The following SORL1 variants were observed in gnomAD, a reference collection of about 807,000 sequenced individuals.
SORL1 encodes sortilin-related receptor.
SORL1 carries 127 observed loss-of-function variants against 273.7 expected under a neutral mutation model. The ratio of observed to expected loss-of-function variants is 0.46; its 90% CI spans 0.40 to 0.54. The LOEUF is 0.54. Among genes scored for constraint, SORL1 ranks in the 20% least tolerant of loss-of-function variants. The pLI, the probability that SORL1 is intolerant of heterozygous loss-of-function variation, is 0.00. For synonymous variants in SORL1, 1,031 were observed against 1,067.4 expected, an observed-to-expected ratio of 0.97 and a Z score of 0.66; for missense variants, 2,494 against 2,846.1, an observed-to-expected ratio of 0.88 and a Z score of 2.81.
chr11:121,600,266 A>G (rs1239639443), intron 32 of SORL1, among the ~76,000 whole-genome samples: 2 of 152,206 alleles, frequency 1.3e-5, no homozygotes, highest in East Asian at 1.9e-4. Context: ...CAAGAGGATC[A>G]CCTAGCCAGT....
chr11:121,480,717 G>C (rs867495453), intron 3 of SORL1, among the ~76,000 whole-genome samples: 13 of 135,366 alleles, frequency 9.6e-5, no homozygotes, highest in African/African-American at 2.5e-4. Context: ...CTCCTCCCCA[G>C]CTCCTCCCCT....
chr11:121,523,546 G>A (rs1186743207), intron 11 of SORL1, among the ~76,000 whole-genome samples: 2 of 152,012 alleles, frequency 1.3e-5, no homozygotes, highest in Admixed American at 6.6e-5. Flanking sequence ...CTAAGACAGG[G>A]CTAGTTCCCT....
At chr11:121,542,771 C>T (rs1353837848) in intron 12 of SORL1, among the ~76,000 whole-genome samples, 1 of 151,266 alleles carries the variant, frequency 6.6e-6, no homozygotes, top group Non-Finnish European at 1.5e-5. Flanking sequence ...AGTGATGATC[C>T]TTGTGTGATT....
At chr11:121,572,998 G>T (rs1341674311) in intron 23 of SORL1, among the ~76,000 whole-genome samples, 1 of 152,094 alleles carries the variant, frequency 6.6e-6, no homozygotes, top group Non-Finnish European at 1.5e-5. Flanking sequence ...TACCTCCTGG[G>T]TCAGCCTTTC....
intron 11 of SORL1, among the ~76,000 whole-genome samples, chr11:121,529,866 C>A (rs1862177394): frequency 6.6e-6 from 1 of 152,004 alleles, no homozygotes; most frequent in Admixed American, 6.5e-5. Flanking sequence ...TTTCATTTCT[C>A]CTATTTATTA....
intron 38 of SORL1, chr11:121,609,268 G>A (rs1313673889): frequency 6.6e-6 from 1 of 152,184 alleles, no homozygotes; most frequent in Non-Finnish European, 1.5e-5. Context: ...TCTAAAATCT[G>A]GAGCCTTTGA....
intron 21 of SORL1, among the ~76,000 whole-genome samples, chr11:121,562,902 G>A (rs1862699840): frequency 6.6e-6 from 1 of 152,162 alleles, no homozygotes. Context: ...GTGTCAGCTA[G>A]GGGTCTTGGA....
chr11:121,587,471 G>A (rs1011125139), intron 27 of SORL1, among the ~76,000 whole-genome samples: 7 of 152,260 alleles, frequency 4.6e-5, no homozygotes, highest in East Asian at 3.9e-4. Flanking sequence ...CAAAGGACAC[G>A]AATTCTTTTG....
intron 45 of SORL1, 55 bp downstream of exon 45, chr11:121,622,323 C>A: frequency 5.2e-6 from 5 of 967,662 alleles, no homozygotes; most frequent in Non-Finnish European, 8.2e-6. Context: ...AATGCTGTTT[C>A]AGAGATGAGC....
intron 42 of SORL1, among the ~76,000 whole-genome samples, 199 bp downstream of exon 42, chr11:121,619,092 C>T (rs1166229399): frequency 6.6e-6 from 1 of 152,168 alleles, no homozygotes; most frequent in Non-Finnish European, 1.5e-5. Context: ...CCAACTGCAG[C>T]TCCGTTATGG....
intron 25 of SORL1, among the ~76,000 whole-genome samples, chr11:121,579,652 T>C (rs1013410729): frequency 3.3e-5 from 5 of 152,242 alleles, no homozygotes; most frequent in African/African-American, 1.2e-4. Context: ...AATCTCTGCC[T>C]ACAGTTCCAG....
At chr11:121,569,644 C>G (rs887303160) in intron 22 of SORL1, among the ~76,000 whole-genome samples, 1 of 152,200 alleles carries the variant, frequency 6.6e-6, no homozygotes, top group Non-Finnish European at 1.5e-5. Context: ...GTTGTCTGCT[C>G]TCAAACTCTG....
At chr11:121,504,457 G>C (rs76771524) in intron 6 of SORL1, among the ~76,000 whole-genome samples, 1 of 152,158 alleles carries the variant, frequency 6.6e-6, no homozygotes, top group African/African-American at 2.4e-5. Context: ...CATTGTAAAT[G>C]GTTCTTTTCT....
chr11:121,476,898 C>A (rs1861277728), intron 2 of SORL1, among the ~76,000 whole-genome samples: 2 of 151,354 alleles, frequency 1.3e-5, no homozygotes, highest in African/African-American at 4.9e-5. Context: ...CTTAAGTGAT[C>A]TTCACACCTC....
Position 121,612,795 on chromosome 11 carries a change from A to G in SORL1, c.5382A>G (p.Arg1794=). Residue 1794 remains arginine, a synonymous_variant, in exon 40 of 48, where the codon AGA becomes AGG. Coordinates refer to ENST00000260197, the MANE Select transcript of SORL1 (RefSeq NM_003105.6). ...TTGACACCCACAAGCAAGAGAGGAG[A>G]ACTTTGAACTTCCGAGGAAGCATAT... is the stretch of plus-strand genomic sequence containing the variant. ...WAFDTHKQER[R]TLNFRGSILS... 2 of 1,614,002 alleles carry G rather than the reference A, an allele frequency of 1.2e-6. No individual in the cohort carries two copies. Among genetic ancestry groups the G allele is most frequent in the Non-Finnish European group, 8.5e-7 (1 of 1,179,942 alleles).
At position 121,514,317 on chromosome 11, in the gene SORL1, GT is replaced by G; in HGVS notation, c.1208del (p.Val403GlyfsTer26). 1 of 1,613,396 alleles carries G rather than the reference GT, an allele frequency of 6.2e-7. No homozygotes were observed. Among genetic ancestry groups the G allele is most frequent in the Non-Finnish European group, 8.5e-7 (1 of 1,179,750 alleles). ...AGGAGGGGCCGGCAGTGACACCTTG[GT>G]GAGGTAAGGAGACTGTGAGTCCTTC... ...SPGGAGSDTL[V>X]RYFANEPFAD... On this transcript the variant is annotated frameshift_variant, in exon 8 of 48. Coordinates refer to ENST00000260197, the MANE Select transcript of SORL1 (RefSeq NM_003105.6). LOFTEE classifies it high-confidence loss of function.
At chr11:121,623,630 A>C (rs1863754245) in intron 45 of SORL1, among the ~76,000 whole-genome samples, 1 of 152,222 alleles carries the variant, frequency 6.6e-6, no homozygotes, top group Admixed American at 6.5e-5. Flanking sequence ...GAAGGTAATA[A>C]CTGCTGGCTT....
chr11:121,537,611 G>A (rs1388176863), intron 12 of SORL1, among the ~76,000 whole-genome samples: 1 of 152,112 alleles, frequency 6.6e-6, no homozygotes, highest in South Asian at 2.1e-4. Context: ...GCAGCCTTCC[G>A]CCACCCTTTG....
chr11:121,521,425 C>T (rs1469672488), intron 9 of SORL1, among the ~76,000 whole-genome samples: 4 of 152,104 alleles, frequency 2.6e-5, no homozygotes, highest in Admixed American at 2.0e-4. Context: ...TGTTTTTGAG[C>T]GTGCTGTGGG....
Sources: gnomAD v4.1 joint callset for allele counts (sites outside exome capture counted in the v4.1 genomes callset) on GRCh38, gnomAD v4.1.1 for gene constraint, MANE v1.5 for transcripts, NCBI Gene and HGNC (gene_info 2026-07-23, HGNC 2026-07-21) for gene names.